GRM8: variants seen among roughly 807,000 people sequenced by gnomAD.
GRM8 encodes glutamate metabotropic receptor 8.
A neutral mutation model predicts 87.2 loss-of-function variants in GRM8; 47 were observed. The observed-to-expected ratio is 0.54, with a 90% confidence interval of 0.43 to 0.69. The LOEUF is 0.69. Among genes scored for constraint, GRM8 ranks in the 30% least tolerant of loss-of-function variants. GRM8 has a pLI of 0.00. For synonymous variants in GRM8, 396 were observed against 404.5 expected (o/e 0.98, Z 0.25); for missense variants, 1,019 against 1,139.2 (o/e 0.89, Z 1.52).
In GRM8 at chr7:126,872,481, T is replaced by C. The variant is rs541270484; in HGVS notation, c.1156+30061A>G. On this transcript the variant is annotated intron_variant, in intron 6 of 10. Coordinates refer to ENST00000339582, the MANE Select transcript of GRM8 (RefSeq NM_000845.3). Reference sequence around the variant, plus strand: ...AAGACGTTGTTTAGGGTACCCTAAATAGCAGTCATCGAAATAAATGAAGCC... The same window carrying C: ...AAGACGTTGTTTAGGGTACCCTAAACAGCAGTCATCGAAATAAATGAAGCC... 3.3e-5 allele frequency among the ~76,000 whole-genome samples: 5 copies of C among 152,240 alleles called. No homozygotes were observed. In the South Asian group the frequency reaches 8.3e-4, roughly 25 times the overall value.
intron 9 of GRM8, among the ~76,000 whole-genome samples, chr7:126,455,650 T>A (rs903641814): frequency 6.6e-6 from 1 of 151,756 alleles, no homozygotes; most frequent in East Asian, 2.0e-4. Context: ...GATAAGTTAA[T>A]CTTTTAAATG....
At chr7:126,824,966 G>T (rs200532642) in intron 6 of GRM8, among the ~76,000 whole-genome samples, 1 of 152,208 alleles carries the variant, frequency 6.6e-6, no homozygotes, top group East Asian at 1.9e-4. Flanking sequence ...TCTTCCTCAG[G>T]ATAGTAGTTT....
chr7:126,768,928 A>AAAAAAAAAAAAAC (rs373293567), intron 7 of GRM8, among the ~76,000 whole-genome samples: 1,618 of 131,750 alleles, frequency 0.012, 30 homozygotes, highest in African/African-American at 0.049. Context: ...GGAAAAATGC[A>AAAAAAAAAAAAAC]AAAAAAAAAA....
intron 2 of GRM8, among the ~76,000 whole-genome samples, chr7:127,135,336 G>A (rs137913320): frequency 1.2e-3 from 182 of 152,114 alleles, no homozygotes; most frequent in African/African-American, 4.3e-3. Context: ...TAAAGCAGGT[G>A]TACAGAAATC....
intron 9 of GRM8, among the ~76,000 whole-genome samples, chr7:126,523,235 A>AT (rs1262340875): frequency 2.0e-5 from 3 of 152,184 alleles, no homozygotes; most frequent in African/African-American, 7.2e-5. Flanking sequence ...TTGTCTTAGA[A>AT]AAGTTTTTCT....
At chr7:126,628,421 T>G (rs1490106773) in intron 7 of GRM8, among the ~76,000 whole-genome samples, 1 of 152,160 alleles carries the variant, frequency 6.6e-6, no homozygotes, top group Non-Finnish European at 1.5e-5. Context: ...TTTGTATAGC[T>G]CAACTGGAAT....
intron 9 of GRM8, among the ~76,000 whole-genome samples, chr7:126,470,661 G>A (rs1485759937): frequency 6.6e-6 from 1 of 152,080 alleles, no homozygotes; most frequent in Non-Finnish European, 1.5e-5. Context: ...ACGTGTGCAT[G>A]TGTCTTTATA....
intron 2 of GRM8, among the ~76,000 whole-genome samples, chr7:127,236,740 T>C (rs1798001469): frequency 6.6e-6 from 1 of 152,208 alleles, no homozygotes; most frequent in Non-Finnish European, 1.5e-5. Context: ...AAAATTATAC[T>C]TCTTTCCTAT....
intron 7 of GRM8, among the ~76,000 whole-genome samples, chr7:126,624,835 G>A (rs990107436): frequency 6.6e-6 from 1 of 152,188 alleles, no homozygotes; most frequent in Non-Finnish European, 1.5e-5. Flanking sequence ...TGGCTAGAAT[G>A]AAAATGTTAT....
At chr7:126,559,190 C>T (rs1383453342) in intron 8 of GRM8, among the ~76,000 whole-genome samples, 1 of 143,580 alleles carries the variant, frequency 7.0e-6, no homozygotes, top group African/African-American at 2.6e-5. Flanking sequence ...CTTTGCTCTA[C>T]GGCCCAGGCT....
chr7:126,722,971 TA>T (rs1812576127), intron 7 of GRM8, among the ~76,000 whole-genome samples: 1 of 144,306 alleles, frequency 6.9e-6, no homozygotes, highest in South Asian at 2.1e-4. Flanking sequence ...TGTAAATATA[TA>T]ATTTACATAT....
chr7:126,955,997 A>C (rs1469069543), intron 3 of GRM8, among the ~76,000 whole-genome samples: 1 of 152,154 alleles, frequency 6.6e-6, no homozygotes, highest in East Asian at 1.9e-4. Context: ...GAGTGAGTAA[A>C]TTAAATGGCA....
intron 9 of GRM8, among the ~76,000 whole-genome samples, chr7:126,495,722 A>T (rs1808625496): frequency 6.6e-6 from 1 of 152,000 alleles, no homozygotes; most frequent in Non-Finnish European, 1.5e-5. Flanking sequence ...CTGAGAACGA[A>T]TGTGTAAAGA....
intron 2 of GRM8, among the ~76,000 whole-genome samples, chr7:127,137,745 C>A (rs538209651): frequency 6.6e-6 from 1 of 152,090 alleles, no homozygotes; most frequent in South Asian, 2.1e-4. Context: ...AACTATGAAT[C>A]CTGAATACTA....
At chr7:126,807,608 A>G (rs1792906742) in intron 6 of GRM8, among the ~76,000 whole-genome samples, 4 of 151,160 alleles carry the variant, frequency 2.6e-5, no homozygotes, top group Admixed American at 2.6e-4. Flanking sequence ...CTCTCCTGCC[A>G]CTCTTCCATC....
chr7:126,627,755 T>G (rs1456467030), intron 7 of GRM8, among the ~76,000 whole-genome samples: 3 of 152,202 alleles, frequency 2.0e-5, no homozygotes, highest in Admixed American at 6.5e-5. Context: ...TATGAATATA[T>G]TTTAAATGTT....
chr7:126,470,946 G>C (rs1054428161), intron 9 of GRM8, among the ~76,000 whole-genome samples: 1 of 152,186 alleles, frequency 6.6e-6, no homozygotes, highest in African/African-American at 2.4e-5. Flanking sequence ...GGCCAGTGAT[G>C]ATGAGCATTT....
intron 6 of GRM8, among the ~76,000 whole-genome samples, chr7:126,894,806 C>T (rs1801390590): frequency 2.0e-5 from 3 of 152,036 alleles, no homozygotes; most frequent in Admixed American, 2.0e-4. Flanking sequence ...AGACTTCAGT[C>T]CTATCATCGT....
At chr7:127,046,982 C>T (rs1250860282) in intron 3 of GRM8, among the ~76,000 whole-genome samples, 1 of 152,072 alleles carries the variant, frequency 6.6e-6, no homozygotes. Flanking sequence ...GTTTGGTGTG[C>T]GATTTCATCA....
Sources: allele counts gnomAD v4.1 joint callset (sites outside exome capture counted in the v4.1 genomes callset), GRCh38; gene constraint gnomAD v4.1.1; transcripts MANE v1.5; gene names NCBI Gene and HGNC (gene_info 2026-07-23, HGNC 2026-07-21).